The following ARID5B variants were observed in gnomAD, a reference collection of about 807,000 sequenced individuals.
ARID5B encodes the protein AT-rich interactive domain-containing protein 5B.
ARID5B carries 13 observed loss-of-function variants against 97.2 expected under a neutral mutation model. The observed-to-expected ratio is 0.13, with a 90% confidence interval of 0.09 to 0.21. The LOEUF is 0.21. Ranked by LOEUF, ARID5B falls within the 10% of genes least tolerant of loss-of-function variation. The pLI, the probability that ARID5B is intolerant of heterozygous loss-of-function variation, is 1.00. For missense variants in ARID5B, 1,210 were observed against 1,465.3 expected (o/e 0.83, Z 2.84); for synonymous variants, 556 against 570.3 (o/e 0.97, Z 0.36).
intron 7 of ARID5B, among the ~76,000 whole-genome samples, chr10:62,062,009 A>G (rs1234632014): frequency 6.6e-6 from 1 of 152,042 alleles, no homozygotes; most frequent in Non-Finnish European, 1.5e-5. Context: ...GTTTCATGCT[A>G]TAGATTGGCC....
At chr10:61,992,130 A>G (rs1007622943) in intron 3 of ARID5B, among the ~76,000 whole-genome samples, 1 of 152,190 alleles carries the variant, frequency 6.6e-6, no homozygotes, top group African/African-American at 2.4e-5. Flanking sequence ...ATAACACCTC[A>G]TATGTGGTAA....
In ARID5B at chr10:62,057,299, C is replaced by G. The variant is rs201642670; in HGVS notation, c.1029C>G (p.Pro343=). 9.8e-5 allele frequency: 158 copies of G among 1,613,400 alleles called. No homozygotes were observed. Among genetic ancestry groups the G allele is most frequent in the Non-Finnish European group, 1.3e-4 (155 of 1,179,626 alleles). The change falls in exon 6 of 10, where the codon CCC becomes CCG. Residue 343 remains proline (P), a synonymous_variant. Coordinates refer to ENST00000279873, the MANE Select transcript of ARID5B (RefSeq NM_032199.3). ...GGAAAACGCCGATAGAACGAATACC[C>G]TATTTAGGTTTTAAACAGAGTGAGT... The part of the protein sequence containing the change: ...KERKTPIERI[P]YLGFKQINLW...
intron 3 of ARID5B, among the ~76,000 whole-genome samples, chr10:61,966,669 GAA>G (rs1295491346): frequency 6.6e-6 from 1 of 152,100 alleles, no homozygotes; most frequent in African/African-American, 2.4e-5. Context: ...TATCCCACAT[GAA>G]AGTCCTTCAG....
In ARID5B at chr10:62,092,615, G is replaced by A; in HGVS notation, c.3152G>A (p.Ser1051Asn). The change falls in exon 10 of 10, where the codon AGT becomes AAT. Residue 1051 changes from serine (S) to asparagine (N), a missense_variant. By Grantham distance (46) the Ser-to-Asn change is conservative. Around this residue, in one of 8 missense-constraint regions of ARID5B, gnomAD observed 800 missense variants for 839.1 expected, o/e 0.95. Transcript: ENST00000279873. The stretch of plus-strand genomic sequence containing the variant: ...AAGGAGAAGGCCTCTGAGCAGGAGA[G>A]TGAAGGCAGCAAAGCAGCGCACGGT... ...SGKEKASEQE[S>N]EGSKAAHGGH... is the part of the protein sequence containing the mutation. 6.2e-7 allele frequency: 1 copy of A among 1,614,200 alleles called. No individual in the cohort carries two copies. The highest frequency in any genetic ancestry group is 8.5e-7 in the Non-Finnish European group (1 of 1,180,034).
At chr10:61,955,018 A>C (rs1838373196) in intron 3 of ARID5B, among the ~76,000 whole-genome samples, 1 of 151,930 alleles carries the variant, frequency 6.6e-6, no homozygotes, top group South Asian at 2.1e-4. Flanking sequence ...AAAAAAAAAA[A>C]AGCAATCTAT....
Position 62,096,869 on chromosome 10 carries a change from T to G in ARID5B, c.*3839T>G, listed in dbSNP as rs1310267674. The G allele has an allele frequency of 4.3e-6, 1 of 233,430 alleles. No individual in the cohort carries two copies. Among genetic ancestry groups the G allele is most frequent in the Non-Finnish European group, 8.5e-6 (1 of 117,972 alleles). The allele number at this position is 233,430 out of a possible 1,614,324, so 14.5% of individuals were successfully genotyped here. A position where few individuals can be genotyped will look rare whatever the true frequency, so the allele number is the denominator to read the frequency against. On this transcript the variant is annotated 3_prime_UTR_variant, in exon 10 of 10. Transcript: ENST00000279873. ...GTATTACGTGCCAATAGTTTCCCAA[T>G]CACATAGCAGGCAAGAGATATTTTG...
chr10:62,079,632 C>A (rs1041215662), intron 8 of ARID5B, among the ~76,000 whole-genome samples: 2 of 152,176 alleles, frequency 1.3e-5, no homozygotes. Context: ...TTTATGGGAG[C>A]CGAGCCACCA....
rs530618881 is a variant in ARID5B, at chr10:62,074,705, C to A, written c.1199+4908C>A. Among the ~76,000 whole-genome samples the A allele has an allele frequency of 2.0e-5, 3 of 152,074 alleles. No individual in the cohort carries two copies. The South Asian group carries it at 6.2e-4, about 32-fold the overall frequency. ...TGGACACCCTTGGAGTTAATAGATA[C>A]GCAATTCAGAAAGTCACAGGCCACA... On this transcript the variant is annotated intron_variant, in intron 8 of 9. Transcript: ENST00000279873.
At chr10:62,002,292 A>G (rs1772026812) in intron 4 of ARID5B, among the ~76,000 whole-genome samples, 1 of 152,196 alleles carries the variant, frequency 6.6e-6, no homozygotes. Flanking sequence ...TCTCACAAAA[A>G]CAAGCATCTG....
chr10:61,961,242 G>A (rs567123956), intron 3 of ARID5B, among the ~76,000 whole-genome samples: 1 of 152,108 alleles, frequency 6.6e-6, no homozygotes, highest in Non-Finnish European at 1.5e-5. Flanking sequence ...ACTGTAAATG[G>A]AAAACCTGTA....
chr10:62,093,975 A>T lies in ARID5B; in HGVS notation c.*945A>T. 1 of 233,662 alleles carries T rather than the reference A, an allele frequency of 4.3e-6. No individual in the cohort carries two copies. Among genetic ancestry groups the T allele is most frequent in the Non-Finnish European group, 8.5e-6 (1 of 118,040 alleles). 14.5% of individuals were successfully genotyped at this position (233,662 alleles called of 1,614,324 possible). On this transcript the variant is annotated 3_prime_UTR_variant, in exon 10 of 10. Coordinates refer to ENST00000279873, the MANE Select transcript of ARID5B (RefSeq NM_032199.3). ...GCTTATACACTGCTTACCCAGCCAA[A>T]TGCTTTGCTTTGAAGTATTGGGTTC...
intron 4 of ARID5B, among the ~76,000 whole-genome samples, chr10:62,010,806 G>A (rs1839207066): frequency 3.3e-5 from 5 of 152,134 alleles, no homozygotes. Flanking sequence ...GTATCCAGAG[G>A]TCACTAACAA....
intron 5 of ARID5B, among the ~76,000 whole-genome samples, chr10:62,053,882 AT>A (rs1398908527): frequency 2.6e-5 from 4 of 152,108 alleles, no homozygotes; most frequent in African/African-American, 9.7e-5. Flanking sequence ...ATTCCCAGGG[AT>A]TATCATTTTT....
At chr10:62,075,770 G>GT (rs1349051421) in intron 8 of ARID5B, among the ~76,000 whole-genome samples, 1 of 152,202 alleles carries the variant, frequency 6.6e-6, no homozygotes, top group Non-Finnish European at 1.5e-5. Flanking sequence ...GTGGCATGTA[G>GT]TATTTCTCAG....
intron 7 of ARID5B, among the ~76,000 whole-genome samples, chr10:62,065,479 T>C (rs1335935400): frequency 6.6e-6 from 1 of 152,186 alleles, no homozygotes; most frequent in Non-Finnish European, 1.5e-5. Context: ...TGTCATCTAA[T>C]TGCGGACCTT....
intron 3 of ARID5B, among the ~76,000 whole-genome samples, chr10:61,946,763 A>C (rs1838243633): frequency 6.6e-6 from 1 of 152,158 alleles, no homozygotes; most frequent in South Asian, 2.1e-4. Flanking sequence ...TCTACTAAAA[A>C]TATAAAAATT....
At position 62,000,859 on chromosome 10, in the gene ARID5B, A is replaced by C. The variant is rs1034500910; in HGVS notation, c.733+538A>C. Among the ~76,000 whole-genome samples, 10 of 152,074 alleles carry C rather than the reference A, an allele frequency of 6.6e-5. No individual in the cohort carries two copies. Among genetic ancestry groups the C allele is most frequent in the Non-Finnish European group, 1.5e-4 (10 of 68,002 alleles). ...TAGATAGATAGATAGATAGATAGAT[A>C]GATAGATAGATAGATGATAGGTGAT... On this transcript the variant is annotated intron_variant, in intron 4 of 9. Transcript: ENST00000279873. The surrounding 1 kb of genome is among the most constrained non-coding windows in gnomAD (Gnocchi z 4.4).
In ARID5B at chr10:62,092,445, C is replaced by G. The variant is rs766373183; in HGVS notation, c.2982C>G (p.His994Gln). The G allele has an allele frequency of 1.2e-6, 2 of 1,614,090 alleles. No homozygotes were observed. Among genetic ancestry groups the G allele is most frequent in the African/African-American group, 1.3e-5 (1 of 74,922 alleles). ...TCAGGAAGATGGAAGGCATGGTCCA[C>G]CCAATCCTGCACCGGAAAATGAGCC... ...ENFRKMEGMV[H>Q]PILHRKMSPQ... is the part of the protein sequence containing the mutation. The change falls in exon 10 of 10, where the codon CAC becomes CAG. Residue 994 changes from histidine (H) to glutamine (Q), a missense_variant. By Grantham distance (24) the His-to-Gln change is conservative (BLOSUM62 0). Around this residue, in one of 8 missense-constraint regions of ARID5B, gnomAD observed 800 missense variants for 839.1 expected, o/e 0.95. Coordinates refer to ENST00000279873, the MANE Select transcript of ARID5B (RefSeq NM_032199.3).
chr10:61,939,607 G>A (rs986850248), intron 2 of ARID5B, among the ~76,000 whole-genome samples: 2 of 152,130 alleles, frequency 1.3e-5, no homozygotes, highest in African/African-American at 4.8e-5. Context: ...TCTTTCAGTG[G>A]GAAGCACATA....
Sources: allele counts gnomAD v4.1 joint callset (sites outside exome capture counted in the v4.1 genomes callset), GRCh38; gene constraint gnomAD v4.1.1; regional missense constraint gnomAD v4.1.1; non-coding constraint Gnocchi (gnomAD v3.1); transcripts MANE v1.5; gene names NCBI Gene and HGNC (gene_info 2026-07-23, HGNC 2026-07-21).